The following SENP6 variants were observed in gnomAD, a reference collection of about 807,000 sequenced individuals.
SENP6 encodes the protein sentrin-specific protease 6.
SENP6 carries 41 observed loss-of-function variants against 134.5 expected under a neutral mutation model. The observed-to-expected ratio is 0.30, with a 90% CI of 0.24 to 0.40. The LOEUF (loss-of-function observed/expected upper bound fraction) is 0.40, where lower values mean the gene tolerates loss of function less well. Ranked by LOEUF, SENP6 falls within the 10% of genes least tolerant of loss-of-function variation. The pLI, the probability that SENP6 is intolerant of heterozygous loss-of-function variation, is 1.00. For missense variants in SENP6, 1,248 were observed against 1,312.5 expected (o/e 0.95, Z 0.76); for synonymous variants, 395 against 429.8 (o/e 0.92, Z 1.00).
At position 75,678,606 on chromosome 6, in the gene SENP6, A is replaced by G. The variant is rs142325281; in HGVS notation, c.1872A>G (p.Gln624=). ...AGGTATCATTTGAATCTAAAATACA[A>G]CTTAGAAGCAAACAAGAATTTCAGT... ...IKTVSFESKI[Q]LRSKQEFQFF... The change falls in exon 15 of 24, where the codon CAA becomes CAG. Residue 624 remains glutamine (Q), a synonymous_variant. Coordinates refer to ENST00000447266, the MANE Select transcript of SENP6 (RefSeq NM_015571.4). 3.9e-4 allele frequency: 614 copies of G among 1,567,784 alleles called. 2 individuals are homozygous for G. In the African/African-American group the frequency reaches 6.5e-3, roughly 17 times the overall value.
At chr6:75,644,266 A>G (rs1338837566) in intron 6 of SENP6, 2 of 152,194 alleles carry the variant, frequency 1.3e-5, no homozygotes, top group Admixed American at 1.3e-4. Context: ...GAGCCAACTA[A>G]AAGGGCTCCC....
chr6:75,665,902 A>G (rs148308644), intron 9 of SENP6, among the ~76,000 whole-genome samples: 1,726 of 151,624 alleles, frequency 0.011, 34 homozygotes, highest in African/African-American at 0.039. Flanking sequence ...TGGTGCACAC[A>G]TGTAATCCCA....
rs975062657 is a variant in SENP6 at position 75,618,615 on chromosome 6, A to G, written c.53-2917A>G. On this transcript the variant is annotated intron_variant, in intron 1 of 23. Transcript: ENST00000447266. ...GTGTGTTTGTTGCTACTGGGGTGTCACTGCTTCTAGACCCTCTAAGAAAGC... is the reference window on the plus strand; with the variant it reads ...GTGTGTTTGTTGCTACTGGGGTGTCGCTGCTTCTAGACCCTCTAAGAAAGC... Among the ~76,000 whole-genome samples, 5 of 152,158 alleles carry G rather than the reference A, an allele frequency of 3.3e-5. 1 individual carries two copies. The highest frequency in any genetic ancestry group is 2.0e-4 in the Admixed American group (3 of 15,280).
intron 9 of SENP6, among the ~76,000 whole-genome samples, chr6:75,664,365 A>T (rs1772027397): frequency 6.6e-6 from 1 of 151,072 alleles, no homozygotes; most frequent in Non-Finnish European, 1.5e-5. Flanking sequence ...GGGCCTTTTT[A>T]AAAAATCTAT....
At chr6:75,654,198 T>G (rs1468720842) in intron 7 of SENP6, among the ~76,000 whole-genome samples, 1 of 152,178 alleles carries the variant, frequency 6.6e-6, no homozygotes, top group Non-Finnish European at 1.5e-5. Flanking sequence ...TGATCACGCC[T>G]CTGCACTCCA....
chr6:75,618,509 C>G (rs1283976962), intron 1 of SENP6, among the ~76,000 whole-genome samples: 1 of 152,126 alleles, frequency 6.6e-6, no homozygotes, highest in African/African-American at 2.4e-5. Flanking sequence ...TGCCTCTGGC[C>G]TAGAATCAGT....
intron 10 of SENP6, among the ~76,000 whole-genome samples, chr6:75,669,335 G>A (rs376309996): frequency 2.0e-5 from 3 of 152,072 alleles, no homozygotes; most frequent in African/African-American, 4.8e-5. Context: ...CAGCCTGTGC[G>A]ACAGAGCGAG....
chr6:75,687,047 T>C (rs1773892083), intron 16 of SENP6, among the ~76,000 whole-genome samples: 1 of 152,242 alleles, frequency 6.6e-6, no homozygotes, highest in Non-Finnish European at 1.5e-5. Flanking sequence ...CAAATGTAGA[T>C]TTGGTCTTTT....
intron 2 of SENP6, 42 bp downstream of exon 2, chr6:75,621,667 A>C: frequency 8.3e-7 from 1 of 1,200,442 alleles, no homozygotes; most frequent in Non-Finnish European, 1.2e-6. Flanking sequence ...TAAGAATAAA[A>C]CTTCTCATTA....
In SENP6 at chr6:75,623,928, G is replaced by A. The variant is rs769139029; in HGVS notation, c.175G>A (p.Asp59Asn). Residue 59 changes from aspartate to asparagine, a missense_variant, in exon 3 of 24, where the codon GAT (aspartate) becomes AAT (asparagine). Physicochemically the swap from Asp to Asn is conservative, Grantham distance 23. Coordinates refer to ENST00000447266, the MANE Select transcript of SENP6 (RefSeq NM_015571.4). ...DGTNLLSVDE[D>N]EDSETSKGKK... ...GACAAATCTGCTCAGTGTGGATGAA[G>A]ATGAGGATTCTGAAACCTCAAAAGG... is the stretch of plus-strand genomic sequence containing the variant. 1.9e-6 allele frequency: 3 copies of A among 1,609,194 alleles called. No individual in the cohort carries two copies. The highest frequency in any genetic ancestry group is 3.4e-5 in the Admixed American group (2 of 59,684).
At chr6:75,704,404 G>A (rs147110952) in intron 19 of SENP6, among the ~76,000 whole-genome samples, 79 of 152,324 alleles carry the variant, frequency 5.2e-4, no homozygotes, top group Admixed American at 1.1e-3. Context: ...GGATGTGCAC[G>A]TAGGCCAGAT....
intron 1 of SENP6, among the ~76,000 whole-genome samples, chr6:75,604,847 C>T (rs1463620053): frequency 2.0e-5 from 3 of 151,866 alleles, no homozygotes; most frequent in African/African-American, 7.3e-5. Flanking sequence ...CCGAGATGAA[C>T]GGATCACCTG....
intron 19 of SENP6, among the ~76,000 whole-genome samples, chr6:75,708,097 T>C (rs1423786598): frequency 6.6e-6 from 1 of 152,212 alleles, no homozygotes; most frequent in African/African-American, 2.4e-5. Context: ...TCTTGCTCTA[T>C]CACCCAGGTC....
intron 5 of SENP6, among the ~76,000 whole-genome samples, chr6:75,636,313 A>G (rs189161180): frequency 8.7e-4 from 133 of 152,334 alleles, no homozygotes; most frequent in Non-Finnish European, 1.0e-3. Context: ...AGCAGGACAG[A>G]TTCTACTTAC....
chr6:75,627,688 T>G (rs1768801983), intron 3 of SENP6, among the ~76,000 whole-genome samples: 1 of 151,956 alleles, frequency 6.6e-6, no homozygotes, highest in African/African-American at 2.4e-5. Flanking sequence ...TCAGATTGCT[T>G]TTTTTTTGAG....
At chr6:75,679,680 C>T (rs1773329763) in intron 16 of SENP6, 1 of 152,204 alleles carries the variant, frequency 6.6e-6, no homozygotes, top group Non-Finnish European at 1.5e-5. Flanking sequence ...CAACATAACA[C>T]ATGTATACAC....
intron 19 of SENP6, among the ~76,000 whole-genome samples, chr6:75,705,664 A>G (rs1775340882): frequency 6.6e-6 from 1 of 152,078 alleles, no homozygotes; most frequent in South Asian, 2.1e-4. Context: ...AATCCTCTCC[A>G]TAAAAACCCA....
Position 75,663,412 on chromosome 6 carries a change from C to T in SENP6, c.888C>T (p.His296=). Reference sequence around the variant, plus strand: ...TTGTGAATTGTGATGACAGTAAACACACTTATTTACAGACTAATGGAAAAG... The same window carrying T: ...TTGTGAATTGTGATGACAGTAAACATACTTATTTACAGACTAATGGAAAAG... ...DIIVNCDDSK[H]TYLQTNGKVI... is the part of the protein sequence containing the mutation. The change falls in exon 9 of 24, where the codon CAC becomes CAT. Residue 296 remains histidine (H), a synonymous_variant. Transcript: ENST00000447266. 1.2e-6 allele frequency: 2 copies of T among 1,613,234 alleles called. No individual in the cohort carries two copies. The highest frequency in any genetic ancestry group is 1.1e-5 in the South Asian group (1 of 91,054).
chr6:75,638,846 C>T (rs1004942619), intron 5 of SENP6, among the ~76,000 whole-genome samples: 18 of 151,032 alleles, frequency 1.2e-4, no homozygotes, highest in Admixed American at 2.6e-4. Context: ...TAGCCTGAGC[C>T]CAGGAGTTCG....
Sources: allele counts gnomAD v4.1 joint callset (sites outside exome capture counted in the v4.1 genomes callset), GRCh38; gene constraint gnomAD v4.1.1; transcripts MANE v1.5; gene names NCBI Gene and HGNC (gene_info 2026-07-23, HGNC 2026-07-21).